VWF: variants seen among roughly 807,000 people sequenced by gnomAD.
VWF encodes von Willebrand factor, also known as Factor VIII related antigen.
VWF carries 176 observed loss-of-function variants against 308.6 expected under a neutral mutation model. The observed-to-expected ratio is 0.57, with a 90% CI of 0.50 to 0.65. The LOEUF is 0.65. Ranked by LOEUF, VWF falls within the 30% of genes least tolerant of loss-of-function variation. The pLI is 0.00. For missense variants in VWF, 3,146 were observed against 3,648.2 expected (o/e 0.86, Z 3.55); for synonymous variants, 1,385 against 1,443.4 (o/e 0.96, Z 0.92).
At chr12:6,106,526 C>G (rs1195811267) in intron 5 of VWF, among the ~76,000 whole-genome samples, 2 of 152,132 alleles carry the variant, frequency 1.3e-5, no homozygotes, top group African/African-American at 4.8e-5. Flanking sequence ...GATGGTTGTA[C>G]AACTACATGA....
Position 6,031,580 on chromosome 12 carries a change from T to TA in VWF, c.2686-3_2686-2insT, listed in dbSNP as rs1355331019. On this transcript the variant is annotated splice_region_variant and splice_polypyrimidine_tract_variant and intron_variant, in intron 20 of 51. Transcript: ENST00000261405. ...CCCAGGGTTACTGCCGCAGTAATCC[T>TA]GGGGAAAGAGGAGTGCCAGGAGAAG... is the stretch of plus-strand genomic sequence containing the variant. 6.2e-7 allele frequency: 1 copy of TA among 1,613,970 alleles called. No individual in the cohort carries two copies. The highest frequency in any genetic ancestry group is 1.3e-5 in the African/African-American group (1 of 74,888).
chr12:6,037,290 T>C (rs975665150), intron 18 of VWF, among the ~76,000 whole-genome samples: 3 of 152,198 alleles, frequency 2.0e-5, no homozygotes, highest in African/African-American at 7.2e-5. Flanking sequence ...ATGAACACTA[T>C]ATTGAATAAA....
At position 6,121,315 on chromosome 12, in the gene VWF, G is replaced by A. The variant is rs1373999500; in HGVS notation, c.79C>T (p.Arg27Cys). The A allele has an allele frequency of 1.1e-5, 18 of 1,614,016 alleles. No homozygotes were observed. Among genetic ancestry groups the A allele is most frequent in the Middle Eastern group, 1.6e-4 (1 of 6,084 alleles). The change falls in exon 3 of 52, where the codon CGC becomes TGC. Residue 27 changes from arginine (R) to cysteine (C), a missense_variant. By Grantham distance (180) the Arg-to-Cys change is radical. Transcript: ENST00000261405. ...LPGTLCAEGT[R>C]GRSSTARCSL... ...CATCGGGCCGTGGATGACCTGCCGC[G>A]AGTTCCTTCTGCACAAAGGGTCCCT...
chr12:6,100,528 G>A (rs1274837254), intron 5 of VWF, among the ~76,000 whole-genome samples: 1 of 151,290 alleles, frequency 6.6e-6, no homozygotes, highest in East Asian at 1.9e-4. Flanking sequence ...TTAAGAAAAT[G>A]TGGCACATAT....
rs577022731 is a variant in VWF, at chr12:6,088,207, G to A, written c.657+7253C>T. Among the ~76,000 whole-genome samples the A allele has an allele frequency of 2.1e-3, 320 of 150,902 alleles. 2 individuals are homozygous for A. The highest frequency in any genetic ancestry group is 7.4e-3 in the African/African-American group (305 of 41,096). On this transcript the variant is annotated intron_variant, in intron 6 of 51. Transcript: ENST00000261405. Reference sequence around the variant, plus strand: ...GAAAGGGGTGCCTTTGGCCGGGCGCGGTGGCTCACGCCTGTAATCCCAACA... The same window carrying A: ...GAAAGGGGTGCCTTTGGCCGGGCGCAGTGGCTCACGCCTGTAATCCCAACA...
chr12:6,061,448 T>C (rs1944653891), intron 13 of VWF, among the ~76,000 whole-genome samples: 1 of 150,090 alleles, frequency 6.7e-6, no homozygotes, highest in Admixed American at 6.6e-5. Flanking sequence ...TGGTCTGTGG[T>C]TGCAGGTTTA....
intron 47 of VWF, among the ~76,000 whole-genome samples, chr12:5,958,797 A>T (rs1414649225): frequency 1.3e-5 from 2 of 152,196 alleles, no homozygotes; most frequent in Non-Finnish European, 2.9e-5. Flanking sequence ...TGGATAAATG[A>T]TAGTAGATAC....
In VWF at chr12:5,976,204, G is replaced by A. The variant is rs55944252; in HGVS notation, c.7344C>T (p.Cys2448=). The change falls in exon 43 of 52, where the codon TGC becomes TGT. Residue 2448 remains cysteine, a synonymous_variant. Coordinates refer to ENST00000261405, the MANE Select transcript of VWF (RefSeq NM_000552.5). ...YPVGQFWEEG[C]DVCTCTDMED... The stretch of plus-strand genomic sequence containing the variant: ...CCATGTCGGTGCAGGTGCACACATC[G>A]CAGCCCTCCTCCCAGAACTGGCCCA... 4.3e-4 allele frequency: 692 copies of A among 1,614,104 alleles called. No homozygotes were observed. The highest frequency in any genetic ancestry group is 5.8e-4 in the Admixed American group (35 of 60,022).
At chr12:5,976,391 C>T in intron 42 of VWF, 131 bp from the exon 43 acceptor site, 2 of 1,183,288 alleles carry the variant, frequency 1.7e-6, no homozygotes. Context: ...GTGGTCTCCG[C>T]CCATATGCAG....
intron 34 of VWF, 62 bp downstream of exon 34, chr12:6,011,555 A>C: frequency 6.7e-7 from 1 of 1,493,470 alleles, no homozygotes; most frequent in Non-Finnish European, 9.1e-7. Context: ...ACTTTTCTGC[A>C]CAGCCAAGCT....
chr12:6,016,028 A>C, intron 31 of VWF, 61 bp downstream of exon 31: 2 of 1,609,898 alleles, frequency 1.2e-6, no homozygotes, highest in Non-Finnish European at 1.7e-6. Flanking sequence ...CCCACTTTTA[A>C]TCCTCTATCA....
At chr12:5,960,904 A>C (rs1943306328) in intron 47 of VWF, among the ~76,000 whole-genome samples, 1 of 152,218 alleles carries the variant, frequency 6.6e-6, no homozygotes, top group Admixed American at 6.5e-5. Flanking sequence ...GCTGCACAGC[A>C]GGAGGTGAGC....
rs575462122 is a variant in VWF at position 6,124,479 on chromosome 12, G to C, written c.-59C>G. ...AAGGTCCCTGGGAAACTCAGCTGCT[G>C]GACAATGGTGCCGCCCACCCTAGGC... is the stretch of plus-strand genomic sequence containing the variant. On this transcript the variant is annotated 5_prime_UTR_variant, in exon 1 of 52. Coordinates refer to ENST00000261405, the MANE Select transcript of VWF (RefSeq NM_000552.5). 1 of 152,726 alleles carries C rather than the reference G, an allele frequency of 6.5e-6. No homozygotes were observed. Among genetic ancestry groups the C allele is most frequent in the African/African-American group, 2.4e-5 (1 of 41,588 alleles). The allele number at this position is 152,726 out of a possible 1,614,324, so 9.5% of individuals were successfully genotyped here.
At chr12:6,029,169 C>T (rs1020348130) in intron 22 of VWF, among the ~76,000 whole-genome samples, 173 bp downstream of exon 22, 7 of 151,682 alleles carry the variant, frequency 4.6e-5, no homozygotes, top group Admixed American at 4.6e-4. Context: ...AAGGCCATTA[C>T]ATAATGGTAA....
chr12:5,965,973 AT>A (rs1943397361), intron 47 of VWF, among the ~76,000 whole-genome samples: 1 of 152,190 alleles, frequency 6.6e-6, no homozygotes, highest in South Asian at 2.1e-4. Flanking sequence ...ATTTTTGAGT[AT>A]TTGGAAACCT....
At chr12:6,036,327 G>A (rs1020584255) in intron 19 of VWF, 61 bp downstream of exon 19, 13 of 1,509,364 alleles carry the variant, frequency 8.6e-6, no homozygotes, top group Admixed American at 5.0e-5. Context: ...CTGTGGCCGC[G>A]TGCACCCTCA....
At chr12:6,034,562 T>C in intron 20 of VWF, 126 bp downstream of exon 20, 4 of 1,412,946 alleles carry the variant, frequency 2.8e-6, no homozygotes, top group Non-Finnish European at 3.9e-6. Context: ...GACTGGGAAG[T>C]ACTCCAGTAG....
intron 5 of VWF, among the ~76,000 whole-genome samples, chr12:6,103,060 G>T (rs1454712912): frequency 6.6e-6 from 1 of 152,150 alleles, no homozygotes; most frequent in African/African-American, 2.4e-5. Context: ...AGGCGTGGTG[G>T]CTCATGCCTG....
At chr12:6,119,786 G>T (rs1945410404) in intron 3 of VWF, among the ~76,000 whole-genome samples, 1 of 152,160 alleles carries the variant, frequency 6.6e-6, no homozygotes, top group Non-Finnish European at 1.5e-5. Flanking sequence ...AGGTTGCAGT[G>T]AGCCAAGATC....
Sources: gnomAD v4.1 joint callset for allele counts (sites outside exome capture counted in the v4.1 genomes callset) on GRCh38, gnomAD v4.1.1 for gene constraint, MANE v1.5 for transcripts, NCBI Gene and HGNC (gene_info 2026-07-23, HGNC 2026-07-21) for gene names.